KIAA1671: variants seen among roughly 807,000 people sequenced by gnomAD.
The protein encoded by KIAA1671 is uncharacterized protein KIAA1671.
A neutral mutation model predicts 131.2 loss-of-function variants in KIAA1671; 52 were observed. The ratio of observed to expected loss-of-function variants is 0.40; its 90% CI spans 0.32 to 0.50. KIAA1671 has a LOEUF of 0.50. Among genes scored for constraint, KIAA1671 ranks in the 20% least tolerant of loss-of-function variants. KIAA1671 has a pLI of 0.73. For missense variants in KIAA1671, 2,360 were observed against 2,364.2 expected, an observed-to-expected ratio of 1.00 and a Z score of 0.04; for synonymous variants, 1,003 against 961.6, an observed-to-expected ratio of 1.04 and a Z score of -0.80.
intron 6 of KIAA1671, among the ~76,000 whole-genome samples, chr22:25,083,790 C>T (rs1929538543): frequency 6.6e-6 from 1 of 152,234 alleles, no homozygotes; most frequent in Non-Finnish European, 1.5e-5. Flanking sequence ...TTGGAAAAGA[C>T]CCAGATAGCA....
At chr22:25,160,115 C>T (rs887248488) in intron 6 of KIAA1671, among the ~76,000 whole-genome samples, 1 of 152,216 alleles carries the variant, frequency 6.6e-6, no homozygotes, top group Admixed American at 6.5e-5. Context: ...CATCAAGCTG[C>T]AGAGAGCTGC....
chr22:24,991,232 A>G (rs1161631598), intron 1 of KIAA1671, among the ~76,000 whole-genome samples: 2 of 151,824 alleles, frequency 1.3e-5, no homozygotes, highest in Non-Finnish European at 2.9e-5. Flanking sequence ...CATGCTGGTC[A>G]GGCTGGTCAC....
At chr22:25,033,846 CT>C (rs1442657068) in intron 4 of KIAA1671, among the ~76,000 whole-genome samples, 1 of 151,910 alleles carries the variant, frequency 6.6e-6, no homozygotes, top group Non-Finnish European at 1.5e-5. Context: ...TCCCAAAGTG[CT>C]GAGATTACAG....
intron 6 of KIAA1671, among the ~76,000 whole-genome samples, chr22:25,136,607 A>G (rs9612873): frequency 0.1 from 15,230 of 152,206 alleles, 838 homozygotes; most frequent in East Asian, 0.16. Flanking sequence ...CATTTGTCCC[A>G]TTTGTACCAC....
intron 1 of KIAA1671, among the ~76,000 whole-genome samples, chr22:24,982,625 T>C (rs1311843549): frequency 6.6e-6 from 1 of 152,194 alleles, no homozygotes; most frequent in Non-Finnish European, 1.5e-5. Flanking sequence ...CTGTGGGTGC[T>C]GGGGTAACTT....
chr22:25,000,047 G>A (rs1049436960), intron 1 of KIAA1671, among the ~76,000 whole-genome samples: 1 of 151,904 alleles, frequency 6.6e-6, no homozygotes, highest in African/African-American at 2.4e-5. Flanking sequence ...ACCACGCCCA[G>A]CTAATTTTTT....
At chr22:25,035,744 G>A (rs1046342996) in intron 4 of KIAA1671, among the ~76,000 whole-genome samples, 2 of 152,150 alleles carry the variant, frequency 1.3e-5, no homozygotes, top group Non-Finnish European at 1.5e-5. Context: ...ATTAAATTGG[G>A]GGGATGGGTT....
chr22:25,109,260 C>CCTGTAATTA (rs753479530), intron 6 of KIAA1671, among the ~76,000 whole-genome samples: 22 of 152,212 alleles, frequency 1.4e-4, no homozygotes, highest in Non-Finnish European at 2.9e-4. Context: ...CAGGTGCCTG[C>CCTGTAATTA]CACTGTGCCC....
chr22:25,082,257 C>T (rs565676252), intron 6 of KIAA1671, among the ~76,000 whole-genome samples: 20 of 152,328 alleles, frequency 1.3e-4, no homozygotes, highest in African/African-American at 1.7e-4. Context: ...TAACTTATCT[C>T]ATAGTTGGCT....
chr22:25,041,555 C>A, intron 5 of KIAA1671, 30 bp downstream of exon 5: 2 of 1,490,818 alleles, frequency 1.3e-6, no homozygotes, highest in South Asian at 2.7e-5. Flanking sequence ...TTAATTTTGT[C>A]AAACATGGTT....
rs1233623049 is a variant in KIAA1671 at position 24,970,742 on chromosome 22, C to CAA, written c.-208+17973_-208+17974dup. On this transcript the variant is annotated intron_variant, in intron 1 of 12. Transcript: ENST00000358431. ...ATAGTTGATGAGCTAAAAAAAAAAA[C>CAA]AAAACAAAACTCATAACATTTTAAG... Among the ~76,000 whole-genome samples the CAA allele has an allele frequency of 4.1e-3, 598 of 145,814 alleles. 28 individuals are homozygous for CAA. The East Asian group carries it at 0.083, about 20-fold the overall frequency.
intron 5 of KIAA1671, among the ~76,000 whole-genome samples, chr22:25,045,773 T>C (rs1383149572): frequency 6.6e-6 from 1 of 152,022 alleles, no homozygotes; most frequent in Non-Finnish European, 1.5e-5. Context: ...GTATTTTTAG[T>C]AGAGATGGGG....
At chr22:25,155,576 G>A (rs912338710) in intron 6 of KIAA1671, among the ~76,000 whole-genome samples, 2 of 151,806 alleles carry the variant, frequency 1.3e-5, no homozygotes, top group African/African-American at 4.8e-5. Context: ...GTTTGTGTGT[G>A]TACATTTGTG....
chr22:25,116,340 G>C, intron 6 of KIAA1671, among the ~76,000 whole-genome samples: 1 of 148,846 alleles, frequency 6.7e-6, no homozygotes, highest in East Asian at 2.0e-4. Context: ...CCCAAAGTGT[G>C]GGGATTGCAA....
At chr22:25,179,557 T>G in intron 9 of KIAA1671, 1 of 1,570,228 alleles carries the variant, frequency 6.4e-7, no homozygotes, top group Non-Finnish European at 8.7e-7. Flanking sequence ...CCTCCTGCGT[T>G]GGGAAGGGAA....
At chr22:24,986,630 A>ACCACCCAC (rs1923550040) in intron 1 of KIAA1671, among the ~76,000 whole-genome samples, 1 of 112,430 alleles carries the variant, frequency 8.9e-6, no homozygotes, top group Non-Finnish European at 1.9e-5. Context: ...CACCCACCCA[A>ACCACCCAC]CCACCCACCC....
chr22:25,030,214 A>G (rs1236823623), intron 3 of KIAA1671, among the ~76,000 whole-genome samples: 1 of 152,190 alleles, frequency 6.6e-6, no homozygotes, highest in Non-Finnish European at 1.5e-5. Flanking sequence ...CATTTGGTTA[A>G]TAATGATGTT....
At chr22:25,030,728 T>C (rs1375893120) in intron 3 of KIAA1671, among the ~76,000 whole-genome samples, 1 of 152,264 alleles carries the variant, frequency 6.6e-6, no homozygotes, top group Non-Finnish European at 1.5e-5. Flanking sequence ...ACTTCCGACA[T>C]CTCTTCTTTG....
intron 12 of KIAA1671, among the ~76,000 whole-genome samples, chr22:25,191,943 G>A (rs547450971): frequency 2.0e-5 from 3 of 152,100 alleles, no homozygotes; most frequent in East Asian, 1.9e-4. Context: ...CTTGATTATG[G>A]TGGTGTTACA....
Sources: gnomAD v4.1 joint callset for allele counts (sites outside exome capture counted in the v4.1 genomes callset) on GRCh38, gnomAD v4.1.1 for gene constraint, MANE v1.5 for transcripts, NCBI Gene and HGNC (gene_info 2026-07-23, HGNC 2026-07-21) for gene names.